The following WIPF2 variants were observed in gnomAD, a reference collection of about 807,000 sequenced individuals.
WIPF2 encodes WAS/WASL interacting protein family member 2.
Under a neutral mutation model 38.8 loss-of-function variants are expected in WIPF2, and 23 were observed. The ratio of observed to expected loss-of-function variants is 0.59; its 90% confidence interval spans 0.43 to 0.84. WIPF2 has a LOEUF of 0.84. Ranked by LOEUF, WIPF2 falls within the 40% of genes least tolerant of loss-of-function variation. The pLI is 0.00. For missense variants in WIPF2, 574 were observed against 580.5 expected (o/e 0.99, Z 0.11); for synonymous variants, 210 against 223.2 (o/e 0.94, Z 0.53).
chr17:40,231,373 A>T (rs1189820819), intron 1 of WIPF2, among the ~76,000 whole-genome samples: 2 of 149,004 alleles, frequency 1.3e-5, no homozygotes, highest in Non-Finnish European at 3.0e-5. Flanking sequence ...CTTAGTGGGG[A>T]CTGTCATCAC....
chr17:40,263,557 C>T (rs902596317), intron 4 of WIPF2, among the ~76,000 whole-genome samples: 2 of 139,420 alleles, frequency 1.4e-5, no homozygotes. Flanking sequence ...CCCCCCCCCC[C>T]CCGCAAATGG....
Position 40,222,585 on chromosome 17 carries a change from GTT to G in WIPF2, c.-70+3095_-70+3096del, listed in dbSNP as rs201124479. On this transcript the variant is annotated intron_variant, in intron 1 of 7. Coordinates refer to ENST00000323571, the MANE Select transcript of WIPF2 (RefSeq NM_133264.5). ...CTTAGCCTTGCTCATGTGTGTGTGT[GTT>G]TGTGTGTGTGTGTGTGTGTCTGCGT... 1.6e-3 allele frequency among the ~76,000 whole-genome samples: 225 copies of G among 143,596 alleles called. 2 individuals carry two copies. The highest frequency in any genetic ancestry group is 5.5e-3 in the African/African-American group (215 of 39,002). The allele number at this position is 143,596 out of a possible 152,430, so 94.2% of individuals were successfully genotyped here.
intron 3 of WIPF2, among the ~76,000 whole-genome samples, chr17:40,261,924 TCC>T: frequency 8.6e-6 from 1 of 116,276 alleles, no homozygotes; most frequent in Admixed American, 8.7e-5. Context: ...TCCGCCCGCC[TCC>T]GCCTCCGCCT....
At chr17:40,226,369 A>G (rs761565017) in intron 1 of WIPF2, among the ~76,000 whole-genome samples, 13 of 150,908 alleles carry the variant, frequency 8.6e-5, no homozygotes, top group Non-Finnish European at 1.9e-4. Flanking sequence ...ACACCCGGCT[A>G]ATTTAATTTT....
At chr17:40,267,162 T>C (rs2032113782) in intron 5 of WIPF2, among the ~76,000 whole-genome samples, 1 of 152,130 alleles carries the variant, frequency 6.6e-6, no homozygotes, top group African/African-American at 2.4e-5. Flanking sequence ...ATACATTTCA[T>C]GTGAGATTAA....
In WIPF2 at chr17:40,262,611, C is replaced by G. The variant is rs1203880401; in HGVS notation, c.283C>G (p.Leu95Val). 1 of 1,613,934 alleles carries G rather than the reference C, an allele frequency of 6.2e-7. No homozygotes were observed. Among genetic ancestry groups the G allele is most frequent in the Non-Finnish European group, 8.5e-7 (1 of 1,179,870 alleles). The change falls in exon 4 of 8, where the codon CTT becomes GTT. Residue 95 changes from leucine (L) to valine (V), a missense_variant. Coordinates refer to ENST00000323571, the MANE Select transcript of WIPF2 (RefSeq NM_133264.5). ...GGLFQGGVLK[L>V]RPVGAKDGSE... ...TCTCTTCCAAGGAGGAGTGCTGAAGCTTCGACCTGTGGGAGCCAAGGATGG... is the reference window on the plus strand; with the variant it reads ...TCTCTTCCAAGGAGGAGTGCTGAAGGTTCGACCTGTGGGAGCCAAGGATGG...
chr17:40,251,039 G>A (rs984974979), intron 1 of WIPF2, among the ~76,000 whole-genome samples: 13 of 146,846 alleles, frequency 8.9e-5, no homozygotes, highest in Non-Finnish European at 1.5e-4. Context: ...TCAGCCTCCC[G>A]AGTAGCTGGG....
intron 1 of WIPF2, among the ~76,000 whole-genome samples, chr17:40,252,404 C>T (rs1472875827): frequency 6.6e-6 from 1 of 152,160 alleles, no homozygotes; most frequent in African/African-American, 2.4e-5. Context: ...TGGCTCACCC[C>T]TGTAATCCCA....
intron 1 of WIPF2, among the ~76,000 whole-genome samples, chr17:40,249,897 A>G (rs1481288205): frequency 7.0e-6 from 1 of 142,638 alleles, no homozygotes; most frequent in East Asian, 2.2e-4. Flanking sequence ...CGGTGACGTG[A>G]CCTTGGCTAA....
intron 1 of WIPF2, among the ~76,000 whole-genome samples, chr17:40,229,004 A>G (rs1358031700): frequency 1.3e-5 from 2 of 151,832 alleles, no homozygotes; most frequent in African/African-American, 4.8e-5. Flanking sequence ...CCTGGGCTCA[A>G]GTGATTCTCT....
At chr17:40,240,512 T>G (rs2031151752) in intron 1 of WIPF2, among the ~76,000 whole-genome samples, 1 of 152,008 alleles carries the variant, frequency 6.6e-6, no homozygotes, top group South Asian at 2.1e-4. Flanking sequence ...CTGCAGTGTT[T>G]TGTTTTTTTT....
rs369729357 is a variant in WIPF2, at chr17:40,262,660, C to G, written c.313+19C>G. The G allele has an allele frequency of 2.6e-5, 41 of 1,588,468 alleles. No individual in the cohort carries two copies. Among genetic ancestry groups the G allele is most frequent in the Non-Finnish European group, 3.5e-5 (40 of 1,157,310 alleles). ...GGTTCAGGTATCTGATGAGTACTTTCCCAGGGTATTTCCCTGGTGTGTTAA... is the reference window on the plus strand; with the variant it reads ...GGTTCAGGTATCTGATGAGTACTTTGCCAGGGTATTTCCCTGGTGTGTTAA... On this transcript the variant is annotated intron_variant, in intron 4 of 7. Transcript: ENST00000323571.
chr17:40,275,569 A>AT (rs59930266), intron 6 of WIPF2, among the ~76,000 whole-genome samples: 37 of 147,694 alleles, frequency 2.5e-4, no homozygotes, highest in Non-Finnish European at 3.0e-4. Context: ...AACACTCTAG[A>AT]TTTTTTTTTT....
intron 5 of WIPF2, among the ~76,000 whole-genome samples, chr17:40,265,350 A>C (rs1016385225): frequency 6.6e-6 from 1 of 152,226 alleles, no homozygotes; most frequent in Admixed American, 6.5e-5. Flanking sequence ...AAATATATAA[A>C]TACATAGTAT....
chr17:40,251,526 T>C (rs1249320487), intron 1 of WIPF2, among the ~76,000 whole-genome samples: 1 of 152,154 alleles, frequency 6.6e-6, no homozygotes, highest in Non-Finnish European at 1.5e-5. Context: ...TAGAGAACTG[T>C]TTGTATTCTA....
chr17:40,260,626 A>T lies in WIPF2; in HGVS notation c.155A>T (p.Lys52Met), dbSNP rs1299304385. 3 of 1,613,786 alleles carry T rather than the reference A, an allele frequency of 1.9e-6. No individual in the cohort carries two copies. Among genetic ancestry groups the T allele is most frequent in the Non-Finnish European group, 2.5e-6 (3 of 1,179,974 alleles). ...QDICKGTKLKKVTNINDRSAP... is the reference protein window; with the variant it reads ...QDICKGTKLKMVTNINDRSAP... ...ATTTGCAAAGGGACCAAGCTGAAGA[A>T]GGTGACCAACATTAATGATCGGAGT... The change falls in exon 3 of 8, where the codon AAG (lysine) becomes ATG (methionine). Residue 52 changes from lysine to methionine, a missense_variant. Lys to Met is a moderately conservative substitution (Grantham distance 95, BLOSUM62 -1). Transcript: ENST00000323571.
At chr17:40,266,966 G>C (rs187508954) in intron 5 of WIPF2, among the ~76,000 whole-genome samples, 3 of 152,138 alleles carry the variant, frequency 2.0e-5, no homozygotes, top group African/African-American at 7.2e-5. Flanking sequence ...ATTCTAATTT[G>C]CTTCTGTTTT....
chr17:40,225,331 T>TAAA (rs367969388), intron 1 of WIPF2, among the ~76,000 whole-genome samples: 1 of 147,502 alleles, frequency 6.8e-6, no homozygotes, highest in Admixed American at 6.8e-5. Flanking sequence ...AGAGGGCTAC[T>TAAA]AAAAAAAAAA....
At chr17:40,228,288 T>G (rs1035129897) in intron 1 of WIPF2, among the ~76,000 whole-genome samples, 1 of 152,028 alleles carries the variant, frequency 6.6e-6, no homozygotes, top group Non-Finnish European at 1.5e-5. Flanking sequence ...GTGCTGGGAT[T>G]ACAGGCGTGA....
Sources: allele counts gnomAD v4.1 joint callset (sites outside exome capture counted in the v4.1 genomes callset), GRCh38; gene constraint gnomAD v4.1.1; transcripts MANE v1.5; gene names NCBI Gene and HGNC (gene_info 2026-07-23, HGNC 2026-07-21).